Variants in SERTAD2 observed in about 807,000 individuals in gnomAD.
The protein encoded by SERTAD2 is SERTA domain containing 2, also known as SERTA domain-containing protein 2.
SERTAD2 carries 2 observed loss-of-function variants against 15.4 expected under a neutral mutation model. The ratio of observed to expected loss-of-function variants is 0.13; its 90% CI spans 0.05 to 0.41. The LOEUF (loss-of-function observed/expected upper bound fraction) is 0.41. Ranked by LOEUF, SERTAD2 falls within the 10% of genes least tolerant of loss-of-function variation. The pLI is 0.99. For missense variants in SERTAD2, 333 were observed against 409.7 expected (o/e 0.81, Z 1.62); for synonymous variants, 180 against 178.0 (o/e 1.01, Z -0.09).
chr2:64,642,921 C>G (rs551901396), intron 1 of SERTAD2, among the ~76,000 whole-genome samples: 1 of 99,282 alleles, frequency 1.0e-5, no homozygotes, highest in East Asian at 2.7e-4. Context: ...AAAACTCTCA[C>G]TGATAGACTT....
chr2:64,639,198 C>T (rs1553411607), intron 1 of SERTAD2, among the ~76,000 whole-genome samples: 1 of 152,190 alleles, frequency 6.6e-6, no homozygotes, highest in Non-Finnish European at 1.5e-5. Flanking sequence ...TAGTGTTTCT[C>T]AAAGTGTGGC....
chr2:64,649,963 G>A (rs1674975785), intron 1 of SERTAD2, among the ~76,000 whole-genome samples: 1 of 152,258 alleles, frequency 6.6e-6, no homozygotes, highest in Non-Finnish European at 1.5e-5. Context: ...AGGCCGGCCA[G>A]GAGCACAGAT....
intron 1 of SERTAD2, among the ~76,000 whole-genome samples, chr2:64,650,414 C>A (rs552338282): frequency 6.6e-6 from 1 of 151,796 alleles, no homozygotes; most frequent in South Asian, 2.1e-4. Context: ...GGAATGTCGT[C>A]TTATTGGGCT....
chr2:64,638,819 G>C (rs1470290353), intron 1 of SERTAD2, among the ~76,000 whole-genome samples: 2 of 152,188 alleles, frequency 1.3e-5, no homozygotes, highest in Non-Finnish European at 2.9e-5. Context: ...ATTTCCTACT[G>C]TTTAGTGCTA....
At chr2:64,637,247 C>A (rs1016952172) in intron 1 of SERTAD2, among the ~76,000 whole-genome samples, 6 of 152,178 alleles carry the variant, frequency 3.9e-5, no homozygotes, top group African/African-American at 1.4e-4. Flanking sequence ...TTCCCTCCCC[C>A]ACGTAGATTT....
rs1029463955 is a variant in SERTAD2 at position 64,633,624 on chromosome 2, G to C, written c.*2303C>G. The C allele has an allele frequency of 6.6e-6, 1 of 152,218 alleles. No homozygotes were observed. The highest frequency in any genetic ancestry group is 1.5e-5 in the Non-Finnish European group (1 of 68,038). The allele number at this position is 152,218 out of a possible 1,614,324, so 9.4% of individuals were successfully genotyped here. ...GAAAGCATGGAATCTGGGCAGACTT[G>C]TTCTCTGCAAGAAAGGGAAGCTCTT... On this transcript the variant is annotated 3_prime_UTR_variant, in exon 2 of 2. Transcript: ENST00000313349.
chr2:64,637,405 T>C (rs1018341414), intron 1 of SERTAD2, among the ~76,000 whole-genome samples: 2 of 152,208 alleles, frequency 1.3e-5, no homozygotes. Context: ...TGTGTGTGCT[T>C]TCAAAATGCT....
chr2:64,651,707 A>G (rs1338892968), intron 1 of SERTAD2, among the ~76,000 whole-genome samples: 2 of 152,248 alleles, frequency 1.3e-5, no homozygotes, highest in Non-Finnish European at 2.9e-5. Context: ...CTGAATTAAT[A>G]TCCTTCTCTT....
At position 64,636,387 on chromosome 2, in the gene SERTAD2, A is replaced by T. The variant is rs774522095; in HGVS notation, c.485T>A (p.Leu162His). 3 of 1,614,020 alleles carry T rather than the reference A, an allele frequency of 1.9e-6. No homozygotes were observed. Among genetic ancestry groups the T allele is most frequent in the Non-Finnish European group, 2.5e-6 (3 of 1,180,026 alleles). The change falls in exon 2 of 2, where the codon CTC (leucine) becomes CAC (histidine). Residue 162 changes from leucine (L) to histidine (H), a missense_variant. By Grantham distance (99) the Leu-to-His change is moderately conservative (BLOSUM62 -3). This residue lies in a region of SERTAD2 where 332 missense variants were observed against 392.9 expected (regional missense o/e 0.84). Transcript: ENST00000313349. ...GGAGAAACTGTCCTTTTCTGGCAAGAGGGCTGGAGGTGACAGTTTGGTGGG... is the reference window on the plus strand; with the variant it reads ...GGAGAAACTGTCCTTTTCTGGCAAGTGGGCTGGAGGTGACAGTTTGGTGGG... The part of the protein sequence containing the change: ...TAPTKLSPPA[L>H]LPEKDSFSSA...
intron 1 of SERTAD2, among the ~76,000 whole-genome samples, chr2:64,646,148 CAAA>C (rs561586361): frequency 2.8e-3 from 67 of 24,152 alleles, no homozygotes; most frequent in Admixed American, 9.3e-3. Flanking sequence ...AACAAACAAA[CAAA>C]AAAAAACCCA....
At position 64,635,928 on chromosome 2, in the gene SERTAD2, T is replaced by C. The variant is rs781618784; in HGVS notation, c.944A>G (p.Ter315=). The change falls in exon 2 of 2, where the codon TAA becomes TGA. Residue 315 remains the stop codon, a stop_retained_variant. Coordinates refer to ENST00000313349, the MANE Select transcript of SERTAD2 (RefSeq NM_014755.3). ...DHIMEVLVGS[*] ...GCATAGTCGCTGGGTCCCTGGGTCTTAGGACCCAACAAGCACCTCCATGAT... is the reference window on the plus strand; with the variant it reads ...GCATAGTCGCTGGGTCCCTGGGTCTCAGGACCCAACAAGCACCTCCATGAT... 24 of 1,610,580 alleles carry C rather than the reference T, an allele frequency of 1.5e-5. No individual in the cohort carries two copies. In the Admixed American group the frequency reaches 3.5e-4, roughly 24 times the overall value.
intron 1 of SERTAD2, among the ~76,000 whole-genome samples, chr2:64,652,696 T>C (rs1173975616): frequency 6.6e-6 from 1 of 152,172 alleles, no homozygotes; most frequent in Non-Finnish European, 1.5e-5. Context: ...TCAGTGTCTG[T>C]GAAAACTTAC....
intron 1 of SERTAD2, among the ~76,000 whole-genome samples, chr2:64,645,988 A>AT (rs767725297): frequency 2.4e-4 from 37 of 151,578 alleles, no homozygotes; most frequent in South Asian, 4.1e-4. Flanking sequence ...GTTTTAAGGA[A>AT]TTTTTTTTAA....
intron 1 of SERTAD2, among the ~76,000 whole-genome samples, chr2:64,651,020 CAG>C (rs1674998603): frequency 1.3e-5 from 2 of 152,188 alleles, no homozygotes. Flanking sequence ...TATGCCATGA[CAG>C]TGAATACAAA....
rs926444778 is a variant in SERTAD2 at position 64,635,337 on chromosome 2, G to T, written c.*590C>A. ...TATGTATAAACAGCATTTGTTTTTA[G>T]AAAAACAATATCATAAACTGCAGAA... On this transcript the variant is annotated 3_prime_UTR_variant, in exon 2 of 2. Transcript: ENST00000313349. 2 of 152,598 alleles carry T rather than the reference G, an allele frequency of 1.3e-5. No individual in the cohort carries two copies. Among genetic ancestry groups the T allele is most frequent in the African/African-American group, 4.8e-5 (2 of 41,432 alleles). The allele number at this position is 152,598 out of a possible 1,614,324, so 9.5% of individuals were successfully genotyped here.
intron 1 of SERTAD2, among the ~76,000 whole-genome samples, chr2:64,642,308 G>C (rs746575072): frequency 6.6e-6 from 1 of 152,148 alleles, no homozygotes; most frequent in Non-Finnish European, 1.5e-5. Flanking sequence ...GGGTCTTAAA[G>C]TGATGGCAGT....
chr2:64,652,700 AACTT>A (rs1675038379), intron 1 of SERTAD2, among the ~76,000 whole-genome samples: 2 of 152,168 alleles, frequency 1.3e-5, no homozygotes, highest in South Asian at 4.1e-4. Flanking sequence ...TGTCTGTGAA[AACTT>A]ACTTTCTACC....
intron 1 of SERTAD2, among the ~76,000 whole-genome samples, chr2:64,641,557 T>C (rs767987582): frequency 7.9e-5 from 12 of 152,132 alleles, no homozygotes; most frequent in Non-Finnish European, 1.3e-4. Flanking sequence ...AGATGCTCCA[T>C]AGATGGTCAC....
At position 64,633,596 on chromosome 2, in the gene SERTAD2, A is replaced by G. The variant is rs1349929127; in HGVS notation, c.*2331T>C. The G allele has an allele frequency of 6.6e-6, 1 of 152,264 alleles. No individual in the cohort carries two copies. Among genetic ancestry groups the G allele is most frequent in the African/African-American group, 2.4e-5 (1 of 41,462 alleles). The allele number at this position is 152,264 out of a possible 1,614,324, so 9.4% of individuals were successfully genotyped here. On this transcript the variant is annotated 3_prime_UTR_variant, in exon 2 of 2. Coordinates refer to ENST00000313349, the MANE Select transcript of SERTAD2 (RefSeq NM_014755.3). ...GGCAGGTTTGCCAGGTCCTCCAGTT[A>G]TAGAAAGCATGGAATCTGGGCAGAC...
Sources: allele counts gnomAD v4.1 joint callset (sites outside exome capture counted in the v4.1 genomes callset), GRCh38; gene constraint gnomAD v4.1.1; regional missense constraint gnomAD v4.1.1; transcripts MANE v1.5; gene names NCBI Gene and HGNC (gene_info 2026-07-23, HGNC 2026-07-21).